Variants in TTLL11 observed in about 807,000 individuals in gnomAD.
TTLL11 encodes the protein tubulin polyglutamylase TTLL11.
In TTLL11, 42 loss-of-function variants were observed where a neutral mutation model predicts 51.7. The ratio of observed to expected loss-of-function variants is 0.81; its 90% CI spans 0.64 to 1.05. TTLL11 has a LOEUF of 1.05. Ranked by LOEUF, TTLL11 falls within the 50% of genes least tolerant of loss-of-function variation. The pLI is 0.00. For synonymous variants in TTLL11, 381 were observed against 383.5 expected (o/e 0.99, Z 0.08); for missense variants, 799 against 940.4 (o/e 0.85, Z 1.97).
intron 1 of TTLL11, among the ~76,000 whole-genome samples, chr9:122,061,328 TG>T (rs1001519397): frequency 2.6e-5 from 4 of 151,980 alleles, no homozygotes; most frequent in African/African-American, 7.3e-5. Flanking sequence ...TATCTTTTTT[TG>T]GGGGGGCACA....
At position 121,890,323 on chromosome 9, in the gene TTLL11, C is replaced by T. The variant is rs1030185572; in HGVS notation, c.1482-19575G>A. ...CACTGCAGTTCACACACATCTCTGCCATCACTTGTCAGCTCATCATGGGTC... is the reference window on the plus strand; with the variant it reads ...CACTGCAGTTCACACACATCTCTGCTATCACTTGTCAGCTCATCATGGGTC... On this transcript the variant is annotated intron_variant, in intron 6 of 8. Transcript: ENST00000321582. This position sits in a 1 kb window ranked among gnomAD's most constrained non-coding sequence, Gnocchi z 4.3. 6.6e-6 allele frequency among the ~76,000 whole-genome samples: 1 copy of T among 152,216 alleles called. No homozygotes were observed. The highest frequency in any genetic ancestry group is 1.5e-5 in the Non-Finnish European group (1 of 68,032).
At chr9:121,837,572 T>C in intron 8 of TTLL11, among the ~76,000 whole-genome samples, 1 of 152,158 alleles carries the variant, frequency 6.6e-6, no homozygotes, top group East Asian at 1.9e-4. Context: ...TCCTGATTAA[T>C]GCTCCCAGCT....
At chr9:122,064,223 C>T (rs984572028) in intron 1 of TTLL11, among the ~76,000 whole-genome samples, 1 of 152,066 alleles carries the variant, frequency 6.6e-6, no homozygotes. Flanking sequence ...CACAGGAAAT[C>T]AAGTAAAATT....
rs182171682 is a variant in TTLL11, at chr9:121,856,667, C to T, written c.1840+3670G>A. Among the ~76,000 whole-genome samples the T allele has an allele frequency of 5.3e-3, 806 of 152,246 alleles. 3 individuals are homozygous for T. Among genetic ancestry groups the T allele is most frequent in the Middle Eastern group, 0.027 (8 of 294 alleles). Reference sequence around the variant, plus strand: ...GAATGGATGAATGAATGAATGAGTACGTGTTCTTTGAGCGTGAGAACCCAG... The same window carrying T: ...GAATGGATGAATGAATGAATGAGTATGTGTTCTTTGAGCGTGAGAACCCAG... On this transcript the variant is annotated intron_variant, in intron 8 of 8. Transcript: ENST00000321582.
intron 3 of TTLL11, among the ~76,000 whole-genome samples, chr9:122,002,652 A>T (rs556568734): frequency 7.9e-5 from 12 of 152,206 alleles, no homozygotes; most frequent in Admixed American, 2.6e-4. Flanking sequence ...CTCAGCTTTA[A>T]GAGATCTCCA....
At chr9:121,849,602 T>G (rs569821361) in intron 8 of TTLL11, among the ~76,000 whole-genome samples, 1 of 152,200 alleles carries the variant, frequency 6.6e-6, no homozygotes, top group African/African-American at 2.4e-5. Flanking sequence ...TGAACAGACA[T>G]CTCACCAAAG....
chr9:121,954,134 G>C (rs1373448416), intron 6 of TTLL11, among the ~76,000 whole-genome samples: 1 of 152,196 alleles, frequency 6.6e-6, no homozygotes, highest in Non-Finnish European at 1.5e-5. Flanking sequence ...TAGAACCCGG[G>C]TCTCCCAACA....
intron 6 of TTLL11, among the ~76,000 whole-genome samples, chr9:121,949,866 T>G (rs1841795082): frequency 6.6e-6 from 1 of 152,122 alleles, no homozygotes; most frequent in South Asian, 2.1e-4. Context: ...AGAGAAACTT[T>G]AAGATAGTCT....
At position 121,817,180 on chromosome 9, in the gene TTLL11, T is replaced by C. The variant is rs1027767357; in HGVS notation, c.*5407A>G. The C allele has an allele frequency of 1.3e-5, 2 of 152,052 alleles. No homozygotes were observed. The highest frequency in any genetic ancestry group is 4.8e-5 in the African/African-American group (2 of 41,376). The allele number at this position is 152,052 out of a possible 1,614,324, so 9.4% of individuals were successfully genotyped here. On this transcript the variant is annotated 3_prime_UTR_variant, in exon 9 of 9. Coordinates refer to ENST00000321582, the MANE Select transcript of TTLL11 (RefSeq NM_001139442.2). ...AGAAATGGGGAAAAAATTAAGCTAT[T>C]CTGGAGGGACACTCTGCCAATCACA...
At chr9:121,876,603 A>G (rs1838574499) in intron 6 of TTLL11, among the ~76,000 whole-genome samples, 5 of 151,370 alleles carry the variant, frequency 3.3e-5, no homozygotes, top group Admixed American at 2.6e-4. Flanking sequence ...GGAATGAGAG[A>G]ATGTGGTAGA....
At chr9:121,889,538 C>A (rs948331568) in intron 6 of TTLL11, among the ~76,000 whole-genome samples, 1 of 152,140 alleles carries the variant, frequency 6.6e-6, no homozygotes, top group Non-Finnish European at 1.5e-5. Context: ...TCGACTCCCC[C>A]ACATCACCCC....
chr9:121,836,972 G>A (rs991502995), intron 8 of TTLL11, among the ~76,000 whole-genome samples: 13 of 152,206 alleles, frequency 8.5e-5, no homozygotes, highest in African/African-American at 3.1e-4. Flanking sequence ...TATGTGCACT[G>A]CTGTGTGCAT....
chr9:121,922,420 G>C (rs1840578135), intron 6 of TTLL11, among the ~76,000 whole-genome samples: 1 of 152,036 alleles, frequency 6.6e-6, no homozygotes, highest in South Asian at 2.1e-4. Flanking sequence ...GAATTCTTGG[G>C]GTCCGGGAAT....
intron 1 of TTLL11, among the ~76,000 whole-genome samples, chr9:122,049,859 T>C (rs1564375106): frequency 6.6e-6 from 1 of 152,200 alleles, no homozygotes; most frequent in Non-Finnish European, 1.5e-5. Flanking sequence ...AGCTTCTCTA[T>C]GAACAGAAAG....
At chr9:122,009,352 T>C (rs558023150) in intron 3 of TTLL11, among the ~76,000 whole-genome samples, 1 of 152,268 alleles carries the variant, frequency 6.6e-6, no homozygotes, top group Non-Finnish European at 1.5e-5. Context: ...AACAAAATGA[T>C]AATTTTATTA....
chr9:121,849,465 A>C (rs1837604771), intron 8 of TTLL11, among the ~76,000 whole-genome samples: 1 of 152,230 alleles, frequency 6.6e-6, no homozygotes, highest in Admixed American at 6.5e-5. Flanking sequence ...AAAATGAGAT[A>C]AGCCACAGAC....
At chr9:121,917,555 AAG>A (rs1840379903) in intron 6 of TTLL11, among the ~76,000 whole-genome samples, 2 of 134,622 alleles carry the variant, frequency 1.5e-5, no homozygotes, top group African/African-American at 5.9e-5. Flanking sequence ...GAAAAAGAAA[AAG>A]AAAGAAAGAA....
At position 122,039,335 on chromosome 9, in the gene TTLL11, A is replaced by G; in HGVS notation, c.496T>C (p.Tyr166His). Residue 166 changes from tyrosine (Y) to histidine (H), a missense_variant, in exon 2 of 9, where the codon TAC (tyrosine) becomes CAC (histidine). By Grantham distance (83) the Tyr-to-His change is moderately conservative. Coordinates refer to ENST00000321582, the MANE Select transcript of TTLL11 (RefSeq NM_001139442.2). ...PFGRRLPCDIYWHGVSFHDND... is the reference protein window; with the variant it reads ...PFGRRLPCDIHWHGVSFHDND... ...TCGTGAAATGAAACTCCATGCCAGT[A>G]GATGTCACAAGGCAAGCGCCGGCCA... The G allele has an allele frequency of 6.2e-7, 1 of 1,614,104 alleles. No individual in the cohort carries two copies. The highest frequency in any genetic ancestry group is 8.5e-7 in the Non-Finnish European group (1 of 1,179,938).
At chr9:121,897,923 C>CTTTTTTTTTTTTTTTTT (rs113818323) in intron 6 of TTLL11, among the ~76,000 whole-genome samples, 3 of 143,142 alleles carry the variant, frequency 2.1e-5, no homozygotes, top group African/African-American at 7.8e-5. Flanking sequence ...TTCTTCTATT[C>CTTTTTTTTTTTTTTTTT]TTTTTTTTTT....
Sources: allele counts gnomAD v4.1 joint callset (sites outside exome capture counted in the v4.1 genomes callset), GRCh38; gene constraint gnomAD v4.1.1; non-coding constraint Gnocchi (gnomAD v3.1); transcripts MANE v1.5; gene names NCBI Gene and HGNC (gene_info 2026-07-23, HGNC 2026-07-21).